The following HMCN1 variants were observed in gnomAD, a reference collection of about 807,000 sequenced individuals.
HMCN1 encodes hemicentin 1, also known as hemicentin-1.
Under a neutral mutation model 625.9 loss-of-function variants are expected in HMCN1, and 321 were observed. The observed-to-expected ratio is 0.51, with a 90% CI of 0.47 to 0.56. HMCN1 has a LOEUF of 0.56. Among genes scored for constraint, HMCN1 ranks in the 20% least tolerant of loss-of-function variants. The pLI is 0.00. For synonymous variants in HMCN1, 2,425 were observed against 2,417.6 expected, an observed-to-expected ratio of 1.00 and a Z score of -0.09; for missense variants, 6,588 against 6,887.3, an observed-to-expected ratio of 0.96 and a Z score of 1.54.
chr1:186,130,780 T>A (rs1325079405), intron 85 of HMCN1, 83 bp downstream of exon 85: 1 of 1,130,254 alleles, frequency 8.8e-7, no homozygotes, highest in Non-Finnish European at 1.3e-6. Flanking sequence ...AAGAAACATT[T>A]CTCTTACATT....
At position 185,906,974 on chromosome 1, in the gene HMCN1, T is replaced by C. The variant is rs1666132387; in HGVS notation, c.622-2363T>C. ...CTATTTTTTTTTTTTTTTTTTTAGT[T>C]AGGCAGACCCTTACAGCCATGTTTT... On this transcript the variant is annotated intron_variant, in intron 4 of 106. Transcript: ENST00000271588. 2.0e-5 allele frequency among the ~76,000 whole-genome samples: 3 copies of C among 150,360 alleles called. No homozygotes were observed. The Admixed American group carries it at 2.0e-4, about 10-fold the overall frequency.
At chr1:186,008,466 A>G (rs1461144705) in intron 30 of HMCN1, among the ~76,000 whole-genome samples, 2 of 152,158 alleles carry the variant, frequency 1.3e-5, no homozygotes, top group African/African-American at 4.8e-5. Flanking sequence ...ATTAGAATTA[A>G]TTTCCTCTGT....
At chr1:185,937,116 CTT>C (rs778551495) in intron 11 of HMCN1, among the ~76,000 whole-genome samples, 1 of 152,220 alleles carries the variant, frequency 6.6e-6, no homozygotes, top group Non-Finnish European at 1.5e-5. Flanking sequence ...TTGAAAGCAG[CTT>C]ATTCTAGAGA....
chr1:185,837,656 G>T (rs1359944606), intron 1 of HMCN1, among the ~76,000 whole-genome samples: 1 of 151,646 alleles, frequency 6.6e-6, no homozygotes, highest in Admixed American at 6.6e-5. Context: ...TATAAACATG[G>T]TTTTTCTCTC....
intron 10 of HMCN1, among the ~76,000 whole-genome samples, chr1:185,929,744 T>C (rs1444929669): frequency 1.3e-5 from 2 of 152,224 alleles, no homozygotes; most frequent in African/African-American, 4.8e-5. Context: ...AGCAGAAGCA[T>C]GCAAGTCAGA....
rs1444351319 is a variant in HMCN1, at chr1:186,081,220, C to G, written c.8613C>G (p.Ile2871Met). 7 of 1,613,336 alleles carry G rather than the reference C, an allele frequency of 4.3e-6. No individual in the cohort carries two copies. The highest frequency in any genetic ancestry group is 5.9e-6 in the Non-Finnish European group (7 of 1,179,478). The change falls in exon 56 of 107, where the codon ATC becomes ATG. Residue 2871 changes from isoleucine (I) to methionine (M), a missense_variant. Coordinates refer to ENST00000271588, the MANE Select transcript of HMCN1 (RefSeq NM_031935.3). Reference sequence around the variant, plus strand: ...ATCCTTTGTTAGTGCCGCCAATTATCAAGGGAGCAAATAGTGATCTCCCTG... The same window carrying G: ...ATCCTTTGTTAGTGCCGCCAATTATGAAGGGAGCAAATAGTGATCTCCCTG... ...YDVRVLVPPI[I>M]KGANSDLPEE...
intron 11 of HMCN1, among the ~76,000 whole-genome samples, chr1:185,941,139 G>C (rs1436629540): frequency 6.6e-6 from 1 of 152,166 alleles, no homozygotes; most frequent in Non-Finnish European, 1.5e-5. Flanking sequence ...ACAGGTGTGA[G>C]CCACTGCACC....
chr1:186,086,817 TA>T lies in HMCN1; in HGVS notation c.9047-399del, dbSNP rs1040565171. 8.3e-3 allele frequency among the ~76,000 whole-genome samples: 32 copies of T among 3,840 alleles called. No homozygotes were observed. The East Asian group carries it at 0.15, about 18-fold the overall frequency. 2.5% of individuals were successfully genotyped at this position (3,840 alleles called of 152,430 possible). A position where few individuals can be genotyped will look rare whatever the true frequency, so the allele number is the denominator to read the frequency against. On this transcript the variant is annotated intron_variant, in intron 58 of 106. Coordinates refer to ENST00000271588, the MANE Select transcript of HMCN1 (RefSeq NM_031935.3). ...AGATGATAGATAGATAGATAGATGA[TA>T]GATAGATAGATAGATAGATAGATAG...
chr1:186,042,246 C>T (rs1259254686), intron 40 of HMCN1, among the ~76,000 whole-genome samples: 1 of 152,126 alleles, frequency 6.6e-6, no homozygotes, highest in Non-Finnish European at 1.5e-5. Flanking sequence ...TAATGCCCAA[C>T]CCCAGGAATT....
chr1:185,984,024 C>G, intron 18 of HMCN1, 145 bp from the exon 19 acceptor site: 1 of 637,706 alleles, frequency 1.6e-6, no homozygotes, highest in Non-Finnish European at 2.7e-6. Context: ...CATTTATGCT[C>G]ATCGTTCTTC....
chr1:185,763,618 A>G (rs1248331002), intron 1 of HMCN1, among the ~76,000 whole-genome samples: 1 of 152,164 alleles, frequency 6.6e-6, no homozygotes, highest in East Asian at 1.9e-4. Context: ...TCTGTTATCT[A>G]ATACATTGTA....
intron 100 of HMCN1, among the ~76,000 whole-genome samples, chr1:186,170,837 G>C (rs1652180793): frequency 6.6e-6 from 1 of 152,176 alleles, no homozygotes; most frequent in Non-Finnish European, 1.5e-5. Flanking sequence ...GATGGTGTTT[G>C]GGAAGTACAA....
chr1:185,797,501 C>G (rs1330442633), intron 1 of HMCN1, among the ~76,000 whole-genome samples: 2 of 152,174 alleles, frequency 1.3e-5, no homozygotes, highest in Non-Finnish European at 2.9e-5. Flanking sequence ...GAGATGCAGT[C>G]TCACTATATT....
At chr1:185,864,354 CAG>C in intron 2 of HMCN1, 114 bp from the exon 3 acceptor site, 2 of 941,130 alleles carry the variant, frequency 2.1e-6, no homozygotes, top group Non-Finnish European at 3.4e-6. Context: ...GTCAAACTGA[CAG>C]AAAATAAAAA....
chr1:185,830,524 G>A (rs888176522), intron 1 of HMCN1, among the ~76,000 whole-genome samples: 1 of 152,140 alleles, frequency 6.6e-6, no homozygotes, highest in East Asian at 1.9e-4. Flanking sequence ...CACATTGCTT[G>A]TTCTTGTCAG....
intron 100 of HMCN1, among the ~76,000 whole-genome samples, chr1:186,168,778 T>G (rs1344146610): frequency 6.6e-6 from 1 of 152,200 alleles, no homozygotes; most frequent in East Asian, 1.9e-4. Flanking sequence ...TTTTTTTTTA[T>G]TATACTTTAA....
chr1:185,938,592 G>T (rs923033757), intron 11 of HMCN1, among the ~76,000 whole-genome samples: 1 of 152,048 alleles, frequency 6.6e-6, no homozygotes, highest in Non-Finnish European at 1.5e-5. Context: ...CCACTCATAT[G>T]CTCCCAGTGG....
chr1:186,069,601 C>T, intron 50 of HMCN1, 62 bp from the exon 51 acceptor site: 1 of 992,156 alleles, frequency 1.0e-6, no homozygotes, highest in South Asian at 1.3e-5. Flanking sequence ...CCCCTGATAG[C>T]CTGTGTGTAC....
chr1:186,019,457 AG>A, intron 34 of HMCN1, 83 bp from the exon 35 acceptor site: 1 of 928,690 alleles, frequency 1.1e-6, no homozygotes, highest in East Asian at 2.4e-5. Context: ...CTAAATTTTA[AG>A]GTTTCAGGTT....
Sources: gnomAD v4.1 joint callset for allele counts (sites outside exome capture counted in the v4.1 genomes callset) on GRCh38, gnomAD v4.1.1 for gene constraint, MANE v1.5 for transcripts, NCBI Gene and HGNC (gene_info 2026-07-23, HGNC 2026-07-21) for gene names.